SLIT2: variants seen among roughly 807,000 people sequenced by gnomAD.
SLIT2 encodes the protein slit homolog 2 protein.
A neutral mutation model predicts 185.7 loss-of-function variants in SLIT2; 41 were observed. That is an observed-to-expected ratio of 0.22 (90% confidence interval 0.17 to 0.29). The LOEUF (loss-of-function observed/expected upper bound fraction) is 0.29. Among genes scored for constraint, SLIT2 ranks in the 10% least tolerant of loss-of-function variants. The pLI is 1.00. For missense variants in SLIT2, 1,571 were observed against 1,909.0 expected (o/e 0.82, Z 3.30); for synonymous variants, 693 against 680.2 (o/e 1.02, Z -0.29).
chr4:20,490,575 G>T (rs1179785064), intron 8 of SLIT2, among the ~76,000 whole-genome samples: 1 of 152,096 alleles, frequency 6.6e-6, no homozygotes, highest in African/African-American at 2.4e-5. Context: ...ATTTTTAAAG[G>T]CAGGGTAGGG....
At chr4:20,269,226 C>T (rs1189779858) in intron 4 of SLIT2, among the ~76,000 whole-genome samples, 1 of 151,726 alleles carries the variant, frequency 6.6e-6, no homozygotes, top group Non-Finnish European at 1.5e-5. Context: ...AGGAAGTTGG[C>T]AGTGTGTTCT....
rs535295470 is a variant in SLIT2 at position 20,565,599 on chromosome 4, G to A, written c.2726-1663G>A. On this transcript the variant is annotated intron_variant, in intron 26 of 36. Transcript: ENST00000504154. ...TTTCTATGGAGCTTACTTTACTTCA[G>A]AATTAATGCCAGCAGTTTCCCAGCT... 6.6e-4 allele frequency among the ~76,000 whole-genome samples: 100 copies of A among 151,960 alleles called. 1 individual carries two copies. Among genetic ancestry groups the A allele is most frequent in the Non-Finnish European group, 1.3e-3 (89 of 67,904 alleles).
intron 23 of SLIT2, 99 bp downstream of exon 23, chr4:20,548,658 C>A: frequency 1.4e-6 from 1 of 732,500 alleles, no homozygotes; most frequent in South Asian, 1.7e-5. Flanking sequence ...AGTCTCTACC[C>A]TCAAGGAATG....
At chr4:20,474,758 T>A (rs1312316819) in intron 5 of SLIT2, among the ~76,000 whole-genome samples, 1 of 152,090 alleles carries the variant, frequency 6.6e-6, no homozygotes, top group African/African-American at 2.4e-5. Context: ...TAGTTTATAT[T>A]CTCATTAGAT....
chr4:20,498,751 T>G (rs1718450770), intron 9 of SLIT2, among the ~76,000 whole-genome samples: 1 of 152,192 alleles, frequency 6.6e-6, no homozygotes, highest in Non-Finnish European at 1.5e-5. Flanking sequence ...CATGATTTCA[T>G]TCATTTTTAT....
At chr4:20,593,205 A>G (rs1481724676) in intron 30 of SLIT2, among the ~76,000 whole-genome samples, 1 of 152,180 alleles carries the variant, frequency 6.6e-6, no homozygotes, top group East Asian at 1.9e-4. Context: ...TAGAACGTGC[A>G]TTATATATAA....
intron 4 of SLIT2, among the ~76,000 whole-genome samples, chr4:20,293,195 C>G (rs775160420): frequency 7.2e-5 from 11 of 152,224 alleles, no homozygotes; most frequent in Non-Finnish European, 1.6e-4. Flanking sequence ...GTTTTAAAGA[C>G]TCTGAGATGC....
At chr4:20,345,565 T>G (rs1482995520) in intron 4 of SLIT2, among the ~76,000 whole-genome samples, 2 of 146,686 alleles carry the variant, frequency 1.4e-5, no homozygotes, top group African/African-American at 2.6e-5. Context: ...AGATAGAGTC[T>G]CACTTTGTCA....
intron 4 of SLIT2, among the ~76,000 whole-genome samples, chr4:20,269,509 G>T (rs1475003018): frequency 4.0e-5 from 6 of 151,846 alleles, no homozygotes; most frequent in African/African-American, 7.3e-5. Context: ...TTCCTCCCTG[G>T]AATGCTTTTG....
chr4:20,520,840 C>T (rs1470458406), intron 12 of SLIT2, among the ~76,000 whole-genome samples: 1 of 152,080 alleles, frequency 6.6e-6, no homozygotes, highest in African/African-American at 2.4e-5. Flanking sequence ...ATTTATTTTA[C>T]AATAGACCAA....
intron 20 of SLIT2, among the ~76,000 whole-genome samples, chr4:20,541,888 T>C (rs1396521052): frequency 1.3e-5 from 2 of 152,186 alleles, no homozygotes; most frequent in Admixed American, 1.3e-4. Flanking sequence ...TCATTTTAAC[T>C]TTTCTTTATT....
chr4:20,502,053 A>C (rs867545863), intron 9 of SLIT2, among the ~76,000 whole-genome samples: 17 of 152,188 alleles, frequency 1.1e-4, no homozygotes, highest in African/African-American at 3.4e-4. Flanking sequence ...ACATACATAT[A>C]CTCACACACA....
At chr4:20,519,185 A>G (rs969570881) in intron 11 of SLIT2, among the ~76,000 whole-genome samples, 197 bp from the exon 12 acceptor site, 10 of 152,192 alleles carry the variant, frequency 6.6e-5, no homozygotes, top group Non-Finnish European at 1.3e-4. Flanking sequence ...CTGTTTTCCA[A>G]ATGTTCTACA....
intron 34 of SLIT2, among the ~76,000 whole-genome samples, chr4:20,613,121 C>T (rs1306458856): frequency 6.6e-6 from 1 of 152,060 alleles, no homozygotes; most frequent in African/African-American, 2.4e-5. Context: ...AAAAATAGAG[C>T]TACCATTCAA....
chr4:20,509,042 GTA>G (rs894449871), intron 9 of SLIT2, among the ~76,000 whole-genome samples: 3 of 151,648 alleles, frequency 2.0e-5, no homozygotes, highest in African/African-American at 7.3e-5. Flanking sequence ...GTGTGTGTGT[GTA>G]TGCGTTAAAG....
rs866419361 is a variant in SLIT2 at position 20,442,547 on chromosome 4, G to T, written c.396-25205G>T. ...TCAAAAAAAAAAAAAAAAAAAAGGG[G>T]GGGGAGGGACCGATTTTATGAAGGT... On this transcript the variant is annotated intron_variant, in intron 4 of 36. Transcript: ENST00000504154. Among the ~76,000 whole-genome samples, 1,118 of 151,388 alleles carry T rather than the reference G, an allele frequency of 7.4e-3. 3 individuals are homozygous for T. Among genetic ancestry groups the T allele is most frequent in the Non-Finnish European group, 9.9e-3 (669 of 67,766 alleles).
intron 4 of SLIT2, among the ~76,000 whole-genome samples, chr4:20,369,236 C>T (rs1723372853): frequency 6.6e-6 from 1 of 151,992 alleles, no homozygotes; most frequent in Non-Finnish European, 1.5e-5. Context: ...CATTGATGTC[C>T]TCTGGGATAT....
At position 20,439,723 on chromosome 4, in the gene SLIT2, G is replaced by T. The variant is rs148035907; in HGVS notation, c.396-28029G>T. 7.0e-4 allele frequency among the ~76,000 whole-genome samples: 107 copies of T among 152,222 alleles called. No individual in the cohort carries two copies. The East Asian group carries it at 0.019, about 28-fold the overall frequency. On this transcript the variant is annotated intron_variant, in intron 4 of 36. Transcript: ENST00000504154. ...TAGCCATTGACTTCATTAATGGTAG[G>T]CCTTTGATTCAAACTTGGATTCTAA...
At chr4:20,474,088 T>C (rs1715850063) in intron 5 of SLIT2, among the ~76,000 whole-genome samples, 1 of 152,048 alleles carries the variant, frequency 6.6e-6, no homozygotes, top group African/African-American at 2.4e-5. Flanking sequence ...ATCCTTACTC[T>C]TAAATTCCAG....
Sources: allele counts gnomAD v4.1 joint callset (sites outside exome capture counted in the v4.1 genomes callset), GRCh38; gene constraint gnomAD v4.1.1; transcripts MANE v1.5; gene names NCBI Gene and HGNC (gene_info 2026-07-23, HGNC 2026-07-21).